Variants in ACTL8 observed in about 807,000 individuals in gnomAD.
ACTL8 encodes the protein actin-like protein 8.
In ACTL8, 3 loss-of-function variants were observed where a neutral mutation model predicts 9.3. The observed-to-expected ratio is 0.32, with a 90% confidence interval of 0.15 to 0.83. The LOEUF is 0.83. Ranked by LOEUF, ACTL8 falls within the 40% of genes least tolerant of loss-of-function variation. ACTL8 has a pLI of 0.57. For missense variants in ACTL8, 381 were observed against 492.2 expected (o/e 0.77, Z 2.14); for synonymous variants, 224 against 205.9 (o/e 1.09, Z -0.75).
chr1:17,813,050 C>G (rs565398107), intron 1 of ACTL8, among the ~76,000 whole-genome samples: 48 of 152,054 alleles, frequency 3.2e-4, no homozygotes, highest in African/African-American at 1.1e-3. Flanking sequence ...TTTGTAGATT[C>G]TTTGGCATTT....
chr1:17,794,273 C>G (rs1194030741), intron 1 of ACTL8, among the ~76,000 whole-genome samples: 1 of 152,164 alleles, frequency 6.6e-6, no homozygotes, highest in Non-Finnish European at 1.5e-5. Flanking sequence ...ACTGCCATTT[C>G]CTAGCTGTGT....
chr1:17,789,076 T>G (rs906608433), intron 1 of ACTL8, among the ~76,000 whole-genome samples: 1 of 152,260 alleles, frequency 6.6e-6, no homozygotes, highest in African/African-American at 2.4e-5. Context: ...TTTTTGTGTG[T>G]GTTTAATGAT....
chr1:17,799,965 G>A (rs1472930003), intron 1 of ACTL8, among the ~76,000 whole-genome samples: 1 of 152,020 alleles, frequency 6.6e-6, no homozygotes. Context: ...GTTTTTATAC[G>A]AATGTCTTAG....
intron 1 of ACTL8, among the ~76,000 whole-genome samples, chr1:17,778,320 C>A (rs2066130573): frequency 6.6e-6 from 1 of 152,016 alleles, no homozygotes; most frequent in South Asian, 2.1e-4. Context: ...GGCTGTAAGG[C>A]TGAAGCATTT....
chr1:17,765,322 C>T (rs1007268451), intron 1 of ACTL8, among the ~76,000 whole-genome samples: 1 of 152,196 alleles, frequency 6.6e-6, no homozygotes, highest in African/African-American at 2.4e-5. Flanking sequence ...ACTGTGGTGT[C>T]CTGGTGCCTA....
intron 1 of ACTL8, among the ~76,000 whole-genome samples, chr1:17,801,026 A>G (rs1391110056): frequency 6.6e-6 from 1 of 152,226 alleles, no homozygotes; most frequent in African/African-American, 2.4e-5. Flanking sequence ...AAAAGTAAAT[A>G]CATGTTAAAT....
chr1:17,814,392 A>T (rs1187953094), intron 1 of ACTL8, among the ~76,000 whole-genome samples: 1 of 152,242 alleles, frequency 6.6e-6, no homozygotes, highest in Non-Finnish European at 1.5e-5. Context: ...TCAGTACAAT[A>T]ACATGCCATA....
chr1:17,801,565 A>T (rs2066323193), intron 1 of ACTL8, among the ~76,000 whole-genome samples: 1 of 152,248 alleles, frequency 6.6e-6, no homozygotes, highest in Admixed American at 6.5e-5. Context: ...TCAATAAAAT[A>T]AATTCTGATG....
At chr1:17,799,940 TC>T (rs1168082926) in intron 1 of ACTL8, among the ~76,000 whole-genome samples, 1 of 152,084 alleles carries the variant, frequency 6.6e-6, no homozygotes, top group Non-Finnish European at 1.5e-5. Context: ...TCTCTGCTGT[TC>T]CGTTGGTCTG....
At chr1:17,796,741 G>C (rs1029570038) in intron 1 of ACTL8, among the ~76,000 whole-genome samples, 2 of 152,220 alleles carry the variant, frequency 1.3e-5, no homozygotes, top group African/African-American at 4.8e-5. Flanking sequence ...TGTGCTTCTT[G>C]ATCTAGTCTT....
intron 1 of ACTL8, among the ~76,000 whole-genome samples, chr1:17,779,273 A>G (rs2066136825): frequency 6.6e-6 from 1 of 152,050 alleles, no homozygotes; most frequent in Non-Finnish European, 1.5e-5. Flanking sequence ...CAGCTGGGGC[A>G]AGCCACCACA....
chr1:17,782,118 G>T (rs1027120805), intron 1 of ACTL8, among the ~76,000 whole-genome samples: 2 of 152,056 alleles, frequency 1.3e-5, no homozygotes, highest in Non-Finnish European at 1.5e-5. Context: ...TACAGCTCTG[G>T]TACACGAGCC....
intron 1 of ACTL8, among the ~76,000 whole-genome samples, chr1:17,765,627 A>G (rs567665469): frequency 6.6e-6 from 1 of 152,318 alleles, no homozygotes; most frequent in African/African-American, 2.4e-5. Context: ...CCCTGGCTCC[A>G]TTCCACACAT....
At chr1:17,810,189 A>G (rs533374) in intron 1 of ACTL8, among the ~76,000 whole-genome samples, 74,449 of 151,964 alleles carry the variant, frequency 0.49, 18,693 homozygotes, top group East Asian at 0.68. Context: ...ATCTCTCCCC[A>G]CATCCTTTCT....
At chr1:17,812,638 C>T (rs1328510836) in intron 1 of ACTL8, among the ~76,000 whole-genome samples, 14 of 147,748 alleles carry the variant, frequency 9.5e-5, no homozygotes, top group African/African-American at 3.5e-4. Flanking sequence ...TGGGGTTTCA[C>T]TGTGTTGCCC....
chr1:17,777,113 G>A (rs980729233), intron 1 of ACTL8, among the ~76,000 whole-genome samples: 3 of 151,044 alleles, frequency 2.0e-5, no homozygotes, highest in African/African-American at 7.3e-5. Context: ...ACAGGTGTGA[G>A]CCGCAGAACC....
chr1:17,814,450 A>G (rs2066411960), intron 1 of ACTL8, among the ~76,000 whole-genome samples: 1 of 152,240 alleles, frequency 6.6e-6, no homozygotes. Flanking sequence ...AAAACAATAC[A>G]ATACATACCA....
rs2066049232 is a variant in ACTL8 at position 17,766,977 on chromosome 1, G to T, written c.-25+11473G>T. 2.0e-5 allele frequency among the ~76,000 whole-genome samples: 3 copies of T among 152,324 alleles called. No homozygotes were observed. The South Asian group carries it at 6.2e-4, about 32-fold the overall frequency. On this transcript the variant is annotated intron_variant, in intron 1 of 2. Transcript: ENST00000375406. ...TTTGCCCCCGTGCAGTTCCATTCTA[G>T]TTGGGGGAGACAAGATATGCAGATG...
At chr1:17,802,415 CTG>C (rs1491567263) in intron 1 of ACTL8, among the ~76,000 whole-genome samples, 1 of 136,580 alleles carries the variant, frequency 7.3e-6, no homozygotes, top group South Asian at 2.2e-4. Context: ...TCCCGGATGA[CTG>C]TGCGTGCGTG....
Sources: allele counts gnomAD v4.1 joint callset (sites outside exome capture counted in the v4.1 genomes callset), GRCh38; gene constraint gnomAD v4.1.1; transcripts MANE v1.5; gene names NCBI Gene and HGNC (gene_info 2026-07-23, HGNC 2026-07-21).